TSC1: variants seen among roughly 807,000 people sequenced by gnomAD.
TSC1 encodes the protein hamartin.
Under a neutral mutation model 124.3 loss-of-function variants are expected in TSC1, and 20 were observed. That is an observed-to-expected ratio of 0.16 (90% CI 0.11 to 0.23). The LOEUF (loss-of-function observed/expected upper bound fraction) is 0.23. Among genes scored for constraint, TSC1 ranks in the 10% least tolerant of loss-of-function variants. The pLI, the probability that TSC1 is intolerant of heterozygous loss-of-function variation, is 1.00. For missense variants in TSC1, 1,124 were observed against 1,448.5 expected (o/e 0.78, Z 3.64); for synonymous variants, 493 against 539.1 (o/e 0.91, Z 1.19).
At chr9:132,922,497 T>C (rs1846623076) in intron 6 of TSC1, among the ~76,000 whole-genome samples, 2 of 152,192 alleles carry the variant, frequency 1.3e-5, no homozygotes, top group South Asian at 4.1e-4. Flanking sequence ...CTATGCAGAT[T>C]TATAACTACA....
intron 1 of TSC1, among the ~76,000 whole-genome samples, chr9:132,943,068 T>G (rs551501661): frequency 7.9e-4 from 120 of 152,246 alleles, no homozygotes; most frequent in Non-Finnish European, 1.1e-3. Context: ...TTATAATGCT[T>G]CCTGAAATTT....
intron 8 of TSC1, among the ~76,000 whole-genome samples, chr9:132,916,801 A>T (rs1224515712): frequency 6.6e-6 from 1 of 152,182 alleles, no homozygotes; most frequent in Non-Finnish European, 1.5e-5. Flanking sequence ...CCCTGGCTTC[A>T]GATTGGACTG....
chr9:132,936,093 G>C (rs1210743224), intron 1 of TSC1, among the ~76,000 whole-genome samples: 1 of 152,176 alleles, frequency 6.6e-6, no homozygotes. Flanking sequence ...TGAATGACTA[G>C]AAGTTAAAAT....
At chr9:132,907,837 A>C (rs1845752675) in intron 12 of TSC1, among the ~76,000 whole-genome samples, 1 of 152,322 alleles carries the variant, frequency 6.6e-6, no homozygotes, top group East Asian at 1.9e-4. Flanking sequence ...CTGTAGTCCC[A>C]GCACTTTGGG....
rs753199284 is a variant in TSC1 at position 132,907,361 on chromosome 9, T to C, written c.1273A>G (p.Met425Val). 6.8e-6 allele frequency: 11 copies of C among 1,613,716 alleles called. No homozygotes were observed. The East Asian group carries it at 2.0e-4, about 29-fold the overall frequency. The change falls in exon 13 of 23, where the codon ATG (methionine) becomes GTG (valine). Residue 425 changes from methionine to valine, a missense_variant. This residue lies in a region of TSC1 where 463 missense variants were observed against 606.8 expected (regional missense o/e 0.76). Coordinates refer to ENST00000298552, the MANE Select transcript of TSC1 (RefSeq NM_000368.5). ...TVTPPRKEER[M>V]DSARPCLHRQ... Reference sequence around the variant, plus strand: ...TGTAGACATGGTCTTGCAGAATCCATTCTCTCTTCCTGAAAAGATAAGTAT... The same window carrying C: ...TGTAGACATGGTCTTGCAGAATCCACTCTCTCTTCCTGAAAAGATAAGTAT...
chr9:132,909,556 C>G (rs868279495), intron 12 of TSC1, among the ~76,000 whole-genome samples: 1 of 152,204 alleles, frequency 6.6e-6, no homozygotes, highest in African/African-American at 2.4e-5. Context: ...ACACCCAAGT[C>G]TGAATAACCA....
rs1336785785 is a variant in TSC1, at chr9:132,906,262, C to T, written c.1439-123G>A. ...TCAGAGAGAGGAGAAAAAGTGGCAT[C>T]CGGCTGGACACAGTGGCTCACGCCT... On this transcript the variant is annotated intron_variant, in intron 14 of 22. Transcript: ENST00000298552. This position sits in a 1 kb window ranked among gnomAD's most constrained non-coding sequence, Gnocchi z 4.1. The T allele has an allele frequency of 8.7e-7, 1 of 1,144,980 alleles. No individual in the cohort carries two copies. Among genetic ancestry groups the T allele is most frequent in the African/African-American group, 1.5e-5 (1 of 65,410 alleles). The allele number at this position is 1,144,980 out of a possible 1,614,324, so 70.9% of individuals were successfully genotyped here.
At chr9:132,910,416 G>T in intron 12 of TSC1, 155 bp downstream of exon 12, 3 of 1,411,272 alleles carry the variant, frequency 2.1e-6, no homozygotes, top group Admixed American at 1.8e-5. Context: ...ATCACACCTT[G>T]AGAGCAGCTT....
chr9:132,913,825 CAAAAAAAAAAAA>C (rs374309550), intron 8 of TSC1, among the ~76,000 whole-genome samples: 3 of 33,632 alleles, frequency 8.9e-5, no homozygotes, highest in South Asian at 1.2e-3. Flanking sequence ...GACTCCGTCT[CAAAAAAAAAAAA>C]AAAAAAAAAG....
intron 8 of TSC1, among the ~76,000 whole-genome samples, chr9:132,914,220 C>CTA (rs1846143112): frequency 6.6e-6 from 1 of 152,016 alleles, no homozygotes; most frequent in Non-Finnish European, 1.5e-5. Context: ...TTAAAACTGT[C>CTA]TAAAGATTCC....
Position 132,906,609 on chromosome 9 carries a change from C to T in TSC1, c.1438+122G>A. ...TGGCATAGGTCCCAGACTAAACCAC[C>T]CATCTTGTTACCTCAAGAGAAGAAA... On this transcript the variant is annotated intron_variant, in intron 14 of 22. Transcript: ENST00000298552. This position sits in a 1 kb window ranked among gnomAD's most constrained non-coding sequence, Gnocchi z 4.1. 1 of 836,394 alleles carries T rather than the reference C, an allele frequency of 1.2e-6. No individual in the cohort carries two copies. The highest frequency in any genetic ancestry group is 1.4e-5 in the South Asian group (1 of 68,996). 51.8% of individuals were successfully genotyped at this position (836,394 alleles called of 1,614,324 possible).
chr9:132,914,690 T>TAA (rs1237946244), intron 8 of TSC1, among the ~76,000 whole-genome samples: 1 of 95,374 alleles, frequency 1.0e-5, no homozygotes, highest in Admixed American at 1.1e-4. Context: ...AACCCCATCT[T>TAA]AAAAAAAAAA....
intron 2 of TSC1, among the ~76,000 whole-genome samples, chr9:132,929,550 A>G (rs1312937476): frequency 6.6e-6 from 1 of 152,174 alleles, no homozygotes; most frequent in African/African-American, 2.4e-5. Context: ...ATCAGGGCAA[A>G]TCTTCAAAAA....
Position 132,892,465 on chromosome 9 carries a change from C to T in TSC1, c.*3770G>A, listed in dbSNP as rs2131533151. 4.3e-6 allele frequency: 1 copy of T among 233,326 alleles called. No homozygotes were observed. Among genetic ancestry groups the T allele is most frequent in the Non-Finnish European group, 8.5e-6 (1 of 118,088 alleles). 14.5% of individuals were successfully genotyped at this position (233,326 alleles called of 1,614,324 possible). ...AGCAGATAGGTATACTGATTTGAGT[C>T]ACTCCACACCAGGCAGCTTCCTTCT... On this transcript the variant is annotated 3_prime_UTR_variant, in exon 23 of 23. Transcript: ENST00000298552.
chr9:132,917,197 T>C (rs971861998), intron 8 of TSC1, among the ~76,000 whole-genome samples: 1 of 152,194 alleles, frequency 6.6e-6, no homozygotes, highest in African/African-American at 2.4e-5. Context: ...TATTGAGACC[T>C]GGTGGCATTC....
chr9:132,906,269 G>T lies in TSC1; in HGVS notation c.1439-130C>A. 1 of 1,071,230 alleles carries T rather than the reference G, an allele frequency of 9.3e-7. No individual in the cohort carries two copies. The highest frequency in any genetic ancestry group is 1.4e-6 in the Non-Finnish European group (1 of 722,442). The allele number at this position is 1,071,230 out of a possible 1,614,324, so 66.4% of individuals were successfully genotyped here. On this transcript the variant is annotated intron_variant, in intron 14 of 22. Transcript: ENST00000298552. The surrounding 1 kb of genome is among the most constrained non-coding windows in gnomAD (Gnocchi z 4.1). ...GAGGAGAAAAAGTGGCATCCGGCTG[G>T]ACACAGTGGCTCACGCCTGTAATGC...
intron 1 of TSC1, 71 bp downstream of exon 1, chr9:132,944,472 C>T: frequency 1.3e-5 from 5 of 398,116 alleles, no homozygotes; most frequent in Non-Finnish European, 2.2e-5. Context: ...GCCTCCCCGG[C>T]TGGAGTCATG....
In TSC1 at chr9:132,923,454, C is replaced by T. The variant is rs147125501; in HGVS notation, c.402G>A (p.Leu134=). 16 of 1,614,110 alleles carry T rather than the reference C, an allele frequency of 9.9e-6. No homozygotes were observed. The African/African-American group carries it at 1.9e-4, about 19-fold the overall frequency. ...TCATTGGTAGCATGGTTATCAACAC[C>T]AAGACGCCTGTTGTGAGGACAACGA... ...TDVVVLTTGV[L]VLITMLPMIP... is the part of the protein sequence containing the mutation. Residue 134 remains leucine (L), a synonymous_variant, in exon 6 of 23, where the codon TTG becomes TTA. Coordinates refer to ENST00000298552, the MANE Select transcript of TSC1 (RefSeq NM_000368.5). This position sits in a 1 kb window ranked among gnomAD's most constrained non-coding sequence, Gnocchi z 4.2.
Position 132,895,008 on chromosome 9 carries a change from G to A in TSC1, c.*1227C>T, listed in dbSNP as rs1465467345. ...CGGGAGCACGTGGGGCAGCCTAGTGGGTATACACAGCCAGCCTTTGCCAGC... is the reference window on the plus strand; with the variant it reads ...CGGGAGCACGTGGGGCAGCCTAGTGAGTATACACAGCCAGCCTTTGCCAGC... On this transcript the variant is annotated 3_prime_UTR_variant, in exon 23 of 23. Transcript: ENST00000298552. 4 of 232,326 alleles carry A rather than the reference G, an allele frequency of 1.7e-5. No homozygotes were observed. Among genetic ancestry groups the A allele is most frequent in the African/African-American group, 8.8e-5 (4 of 45,244 alleles). The allele number at this position is 232,326 out of a possible 1,614,324, so 14.4% of individuals were successfully genotyped here. A position where few individuals can be genotyped will look rare whatever the true frequency, so the allele number is the denominator to read the frequency against.
Sources: allele counts gnomAD v4.1 joint callset (sites outside exome capture counted in the v4.1 genomes callset), GRCh38; gene constraint gnomAD v4.1.1; regional missense constraint gnomAD v4.1.1; non-coding constraint Gnocchi (gnomAD v3.1); transcripts MANE v1.5; gene names NCBI Gene and HGNC (gene_info 2026-07-23, HGNC 2026-07-21).